Variants in PCDHGA3 observed in about 807,000 individuals in gnomAD.
PCDHGA3 encodes protocadherin gamma subfamily A, 3.
In PCDHGA3, 40 loss-of-function variants were observed where a neutral mutation model predicts 58.5. The ratio of observed to expected loss-of-function variants is 0.68; its 90% CI spans 0.53 to 0.89. PCDHGA3 has a LOEUF of 0.89. PCDHGA3 is among the 40% of genes least tolerant of loss of function. The pLI is 0.00. For missense variants in PCDHGA3, 1,223 were observed against 1,195.9 expected, an observed-to-expected ratio of 1.02 and a Z score of -0.33; for synonymous variants, 530 against 525.7, an observed-to-expected ratio of 1.01 and a Z score of -0.11.
intron 1 of PCDHGA3, chr5:141,403,999 T>C (rs1399272947): frequency 3.1e-6 from 5 of 1,613,898 alleles, no homozygotes; most frequent in Non-Finnish European, 4.2e-6. Context: ...AAGTGACCAT[T>C]ACATCTCTGT....
At chr5:141,388,574 T>A (rs372294800) in intron 1 of PCDHGA3, 107 of 1,613,842 alleles carry the variant, frequency 6.6e-5, no homozygotes, top group Middle Eastern at 1.6e-4. Context: ...AGATACACGT[T>A]CTAGTGACTG....
intron 1 of PCDHGA3, among the ~76,000 whole-genome samples, chr5:141,349,039 A>G (rs549137287): frequency 6.6e-6 from 1 of 152,264 alleles, no homozygotes; most frequent in South Asian, 2.1e-4. Context: ...TTGCTCATTA[A>G]TGGTATAAGT....
At chr5:141,361,627 C>T (rs1389094962) in intron 1 of PCDHGA3, 12 of 1,613,918 alleles carry the variant, frequency 7.4e-6, no homozygotes, top group Admixed American at 1.7e-5. Context: ...CGACCTGAAG[C>T]CGCGGGAGAT....
At position 141,388,660 on chromosome 5, in the gene PCDHGA3, C is replaced by A. The variant is rs762083225; in HGVS notation, c.2424+42203C>A. 5.0e-6 allele frequency: 8 copies of A among 1,613,714 alleles called. No individual in the cohort carries two copies. The South Asian group carries it at 8.8e-5, about 18-fold the overall frequency. On this transcript the variant is annotated intron_variant, in intron 1 of 3. Transcript: ENST00000253812. Reference sequence around the variant, plus strand: ...CTTTCAGAAAACGTGTACCCGGGGACCACGGTGCTACAGGTGACTGCCACG... The same window carrying A: ...CTTTCAGAAAACGTGTACCCGGGGAACACGGTGCTACAGGTGACTGCCACG...
At chr5:141,409,137 T>G (rs748502213) in intron 1 of PCDHGA3, 1 of 1,613,936 alleles carries the variant, frequency 6.2e-7, no homozygotes, top group Non-Finnish European at 8.5e-7. Flanking sequence ...TTTGAAGATG[T>G]AGAAAGGTAC....
chr5:141,390,650 G>A lies in PCDHGA3; in HGVS notation c.2424+44193G>A, dbSNP rs750733568. ...TATGATGAATACTTTTTTCAGCTTG[G>A]ATATACCATAAATATAAAAATAATA... On this transcript the variant is annotated intron_variant, in intron 1 of 3. Coordinates refer to ENST00000253812, the MANE Select transcript of PCDHGA3 (RefSeq NM_018916.4). 69 of 210,892 alleles carry A rather than the reference G, an allele frequency of 3.3e-4. 1 individual carries two copies. The highest frequency in any genetic ancestry group is 5.4e-4 in the Non-Finnish European group (57 of 106,318). The allele number at this position is 210,892 out of a possible 1,614,324, so 13.1% of individuals were successfully genotyped here.
At chr5:141,426,015 T>G (rs1168777347) in intron 1 of PCDHGA3, among the ~76,000 whole-genome samples, 3 of 152,200 alleles carry the variant, frequency 2.0e-5, no homozygotes, top group African/African-American at 7.2e-5. Flanking sequence ...GGCTGCAGTT[T>G]TCTAAATAGA....
chr5:141,385,640 A>C (rs917789862), intron 1 of PCDHGA3: 1 of 803,664 alleles, frequency 1.2e-6, no homozygotes, highest in Admixed American at 4.6e-5. Context: ...CGAGTCTTTC[A>C]TATTGCACAA....
At chr5:141,509,128 A>C (rs995210331) in intron 3 of PCDHGA3, among the ~76,000 whole-genome samples, 8 of 151,958 alleles carry the variant, frequency 5.3e-5, no homozygotes, top group African/African-American at 1.7e-4. Flanking sequence ...TGAAGAGAAA[A>C]ACCGAGGCGC....
Position 141,384,796 on chromosome 5 carries a change from C to A in PCDHGA3, c.2424+38339C>A, listed in dbSNP as rs1182973938. 1 of 1,613,330 alleles carries A rather than the reference C, an allele frequency of 6.2e-7. No homozygotes were observed. Among genetic ancestry groups the A allele is most frequent in the African/African-American group, 1.3e-5 (1 of 74,956 alleles). ...CGAGGTGCGCACGGCTCGGGCCCTG[C>A]TGGACAGAGATGCCCTCAAGCAGAG... is the stretch of plus-strand genomic sequence containing the variant. On this transcript the variant is annotated intron_variant, in intron 1 of 3. Coordinates refer to ENST00000253812, the MANE Select transcript of PCDHGA3 (RefSeq NM_018916.4).
chr5:141,389,331 G>A (rs1212558688), intron 1 of PCDHGA3: 15 of 1,613,986 alleles, frequency 9.3e-6, no homozygotes, highest in Middle Eastern at 1.6e-4. Context: ...GGGGCCCAAC[G>A]GCCAAGTCTC....
intron 1 of PCDHGA3, chr5:141,478,782 T>C: frequency 6.7e-7 from 1 of 1,485,212 alleles, no homozygotes. Context: ...GTGGACCTAA[T>C]TCACATCCTC....
At chr5:141,494,979 T>C in intron 2 of PCDHGA3, 114 bp downstream of exon 2, 1 of 1,571,464 alleles carries the variant, frequency 6.4e-7, no homozygotes, top group Admixed American at 1.8e-5. Flanking sequence ...TCCCTCAGTT[T>C]GAGATCCCAG....
At chr5:141,405,364 C>T in intron 1 of PCDHGA3, 1 of 1,613,548 alleles carries the variant, frequency 6.2e-7, no homozygotes, top group Non-Finnish European at 8.5e-7. Flanking sequence ...TAGAAGACAC[C>T]CCTTTGGTTC....
intron 1 of PCDHGA3, among the ~76,000 whole-genome samples, chr5:141,470,151 CT>C (rs746135943): frequency 7.2e-5 from 11 of 152,164 alleles, no homozygotes; most frequent in Non-Finnish European, 1.6e-4. Flanking sequence ...CATAGATCAT[CT>C]TATCAAATCA....
At chr5:141,362,219 C>T (rs368538544) in intron 1 of PCDHGA3, 249 of 1,613,916 alleles carry the variant, frequency 1.5e-4, no homozygotes, top group Non-Finnish European at 1.9e-4. Flanking sequence ...CTGGTTGTGG[C>T]CTTGGCCTTG....
chr5:141,350,787 C>T (rs1758560543), intron 1 of PCDHGA3: 1 of 1,613,992 alleles, frequency 6.2e-7, no homozygotes. Flanking sequence ...CAATACTTCT[C>T]TCTGTCAACG....
intron 1 of PCDHGA3, 157 bp downstream of exon 1, chr5:141,346,614 A>T: frequency 1.8e-6 from 2 of 1,109,334 alleles, no homozygotes; most frequent in Non-Finnish European, 1.3e-6. Flanking sequence ...CTATAGTAGG[A>T]CTGCACTCCC....
At chr5:141,463,518 G>C (rs537466389) in intron 1 of PCDHGA3, among the ~76,000 whole-genome samples, 1 of 139,068 alleles carries the variant, frequency 7.2e-6, no homozygotes, top group African/African-American at 2.8e-5. Context: ...GCGTGATCTC[G>C]GCTTACTAGA....
Sources: gnomAD v4.1 joint callset for allele counts (sites outside exome capture counted in the v4.1 genomes callset) on GRCh38, gnomAD v4.1.1 for gene constraint, MANE v1.5 for transcripts, NCBI Gene and HGNC (gene_info 2026-07-23, HGNC 2026-07-21) for gene names.